SPON1: variants seen among roughly 807,000 people sequenced by gnomAD.
SPON1 encodes spondin-1.
In SPON1, 52 loss-of-function variants were observed where a neutral mutation model predicts 111.7. The ratio of observed to expected loss-of-function variants is 0.47; its 90% CI spans 0.37 to 0.59. SPON1 has a LOEUF of 0.59. Among genes scored for constraint, SPON1 ranks in the 20% least tolerant of loss-of-function variants. The pLI, the probability that SPON1 is intolerant of heterozygous loss-of-function variation, is 0.00. For synonymous variants in SPON1, 410 were observed against 395.8 expected (o/e 1.04, Z -0.43); for missense variants, 957 against 1,068.5 (o/e 0.90, Z 1.46).
chr11:13,980,926 T>C (rs111742515), intron 1 of SPON1, among the ~76,000 whole-genome samples: 1 of 152,206 alleles, frequency 6.6e-6, no homozygotes, highest in Non-Finnish European at 1.5e-5. Flanking sequence ...TGTTTTACTT[T>C]CCTATCCGTG....
At chr11:13,976,118 C>G (rs1554909039) in intron 1 of SPON1, among the ~76,000 whole-genome samples, 1 of 152,166 alleles carries the variant, frequency 6.6e-6, no homozygotes, top group African/African-American at 2.4e-5. Context: ...AAGTAATTTA[C>G]CAGAGATCAC....
At chr11:14,095,445 T>C (rs12576639) in intron 5 of SPON1, among the ~76,000 whole-genome samples, 56,347 of 147,400 alleles carry the variant, frequency 0.38, 11,559 homozygotes, top group South Asian at 0.6. Flanking sequence ...GATAGATAGA[T>C]AGATAATACA....
intron 7 of SPON1, among the ~76,000 whole-genome samples, chr11:14,244,291 G>C (rs369767204): frequency 6.6e-6 from 1 of 152,154 alleles, no homozygotes; most frequent in African/African-American, 2.4e-5. Context: ...AAGCCAAGGC[G>C]GGCAGATCAC....
At chr11:14,106,773 A>AGGG (rs1378007847) in intron 5 of SPON1, among the ~76,000 whole-genome samples, 1 of 152,208 alleles carries the variant, frequency 6.6e-6, no homozygotes, top group Non-Finnish European at 1.5e-5. Context: ...GCCTGTGATC[A>AGGG]GGGAGTAGGA....
intron 2 of SPON1, among the ~76,000 whole-genome samples, chr11:14,004,982 A>G (rs1554912930): frequency 6.6e-6 from 1 of 152,080 alleles, no homozygotes; most frequent in Non-Finnish European, 1.5e-5. Context: ...GATTTAAAAA[A>G]AATTTTTTTA....
At chr11:14,166,776 A>G (rs1554931898) in intron 6 of SPON1, among the ~76,000 whole-genome samples, 1 of 152,200 alleles carries the variant, frequency 6.6e-6, no homozygotes, top group African/African-American at 2.4e-5. Context: ...CATAACATTT[A>G]TACAAACACA....
At chr11:14,148,582 G>A (rs1471942481) in intron 6 of SPON1, among the ~76,000 whole-genome samples, 1 of 152,146 alleles carries the variant, frequency 6.6e-6, no homozygotes, top group African/African-American at 2.4e-5. Context: ...TCTCCTCCTG[G>A]TGACCAAGAG....
chr11:14,087,098 C>T (rs1019752960), intron 5 of SPON1, among the ~76,000 whole-genome samples: 2 of 139,550 alleles, frequency 1.4e-5, no homozygotes, highest in South Asian at 5.7e-4. Flanking sequence ...AGAACCAGCT[C>T]CTGGATTCAC....
chr11:14,170,722 A>T (rs1848088530), intron 6 of SPON1, among the ~76,000 whole-genome samples: 1 of 152,134 alleles, frequency 6.6e-6, no homozygotes, highest in Admixed American at 6.5e-5. Context: ...GAATTTTGTC[A>T]AAGGCCTTTT....
chr11:14,055,835 G>A (rs1554919131), intron 3 of SPON1, among the ~76,000 whole-genome samples: 1 of 152,228 alleles, frequency 6.6e-6, no homozygotes, highest in East Asian at 1.9e-4. Flanking sequence ...AGGGTTGGCT[G>A]CTCTTAGGCC....
At chr11:14,263,319 AAGTC>A (rs1849212444) in intron 15 of SPON1, among the ~76,000 whole-genome samples, 1 of 152,150 alleles carries the variant, frequency 6.6e-6, no homozygotes, top group Non-Finnish European at 1.5e-5. Flanking sequence ...ACTTTGCTCA[AAGTC>A]AGTTATGACT....
intron 7 of SPON1, among the ~76,000 whole-genome samples, chr11:14,244,873 G>A (rs948742039): frequency 6.6e-6 from 1 of 152,208 alleles, no homozygotes; most frequent in African/African-American, 2.4e-5. Flanking sequence ...CGGAACACAC[G>A]TCGGGGTTCA....
At position 14,213,553 on chromosome 11, in the gene SPON1, A is replaced by G. The variant is rs143034033; in HGVS notation, c.826-29779A>G. On this transcript the variant is annotated intron_variant, in intron 6 of 15. Transcript: ENST00000576479. Reference sequence around the variant, plus strand: ...CAGAAAAACAAGTCAAAGGTTGACAATAGTAATTAATCAAACGATATTTAT... The same window carrying G: ...CAGAAAAACAAGTCAAAGGTTGACAGTAGTAATTAATCAAACGATATTTAT... 3.9e-3 allele frequency among the ~76,000 whole-genome samples: 587 copies of G among 152,360 alleles called. 4 individuals are homozygous for G. The highest frequency in any genetic ancestry group is 6.8e-3 in the Middle Eastern group (2 of 294).
Position 13,981,605 on chromosome 11 carries a change from C to T in SPON1, c.239-1242C>T, listed in dbSNP as rs549455091. ...CCTCCTAAAGTGCTGGGATTACAGG[C>T]GTGAGCCACCGTGCCCGGCCGAGCT... On this transcript the variant is annotated intron_variant, in intron 1 of 15. Transcript: ENST00000576479. Among the ~76,000 whole-genome samples, 18 of 152,296 alleles carry T rather than the reference C, an allele frequency of 1.2e-4. No homozygotes were observed. The South Asian group carries it at 2.5e-3, about 21-fold the overall frequency.
At chr11:14,070,049 G>A (rs1289151267) in intron 3 of SPON1, among the ~76,000 whole-genome samples, 1 of 152,018 alleles carries the variant, frequency 6.6e-6, no homozygotes, top group African/African-American at 2.4e-5. Flanking sequence ...ATAAATATGC[G>A]GCCATCGTTC....
At chr11:14,227,788 T>G (rs541388603) in intron 6 of SPON1, among the ~76,000 whole-genome samples, 1 of 152,318 alleles carries the variant, frequency 6.6e-6, no homozygotes, top group South Asian at 2.1e-4. Flanking sequence ...GGTTACACAG[T>G]TAAGCCACAG....
At chr11:14,019,956 A>G (rs1464683067) in intron 2 of SPON1, among the ~76,000 whole-genome samples, 7 of 152,226 alleles carry the variant, frequency 4.6e-5, no homozygotes, top group African/African-American at 1.7e-4. Flanking sequence ...TGTACCTCTC[A>G]TTAGCCAAAA....
chr11:14,039,479 CT>C (rs782709043), intron 2 of SPON1, among the ~76,000 whole-genome samples: 3 of 151,984 alleles, frequency 2.0e-5, no homozygotes, highest in Non-Finnish European at 4.4e-5. Flanking sequence ...TAACCCTGTA[CT>C]TTCCACTCAG....
At chr11:14,166,200 G>A (rs1249293528) in intron 6 of SPON1, among the ~76,000 whole-genome samples, 1 of 152,170 alleles carries the variant, frequency 6.6e-6, no homozygotes, top group Non-Finnish European at 1.5e-5. Context: ...AAAATAACCA[G>A]TTTATCCAAT....
Sources: gnomAD v4.1 joint callset for allele counts (sites outside exome capture counted in the v4.1 genomes callset) on GRCh38, gnomAD v4.1.1 for gene constraint, MANE v1.5 for transcripts, NCBI Gene and HGNC (gene_info 2026-07-23, HGNC 2026-07-21) for gene names.